CFAP46: variants seen among roughly 807,000 people sequenced by gnomAD.
The protein encoded by CFAP46 is cilia- and flagella-associated protein 46.
Under a neutral mutation model 325.7 loss-of-function variants are expected in CFAP46, and 245 were observed. The ratio of observed to expected loss-of-function variants is 0.75; its 90% CI spans 0.68 to 0.84. The LOEUF is 0.84. Among genes scored for constraint, CFAP46 ranks in the 40% least tolerant of loss-of-function variants. CFAP46 has a pLI of 0.00. For synonymous variants in CFAP46, 1,523 were observed against 1,495.9 expected (o/e 1.02, Z -0.42); for missense variants, 3,346 against 3,543.0 (o/e 0.94, Z 1.41).
chr10:132,814,449 TG>T, intron 53 of CFAP46, 127 bp downstream of exon 53: 1 of 1,250,846 alleles, frequency 8.0e-7, no homozygotes, highest in Non-Finnish European at 1.1e-6. Context: ...ACAGCCAAAA[TG>T]GGGCAAGCAC....
Position 132,879,428 on chromosome 10 carries a change from G to T in CFAP46, c.4003C>A (p.Gln1335Lys). The T allele has an allele frequency of 6.6e-7, 1 of 1,515,322 alleles. No homozygotes were observed. 93.9% of individuals were successfully genotyped at this position (1,515,322 alleles called of 1,614,324 possible). ...AAYAFFRHIW[Q>K]VSLMTAGKSV... Reference sequence around the variant, plus strand: ...GGGGAGTCTGCGCTGGGCCTCACCTGCCAGATGTGCCTGAAGAAGGCGTAG... The same window carrying T: ...GGGGAGTCTGCGCTGGGCCTCACCTTCCAGATGTGCCTGAAGAAGGCGTAG... Residue 1335 changes from glutamine (Q) to lysine (K), a missense_variant and splice_region_variant, in exon 29 of 58, where the codon CAG (glutamine) becomes AAG (lysine). By Grantham distance (53) the Gln-to-Lys change is moderately conservative. Transcript: ENST00000368586.
intron 27 of CFAP46, among the ~76,000 whole-genome samples, chr10:132,882,784 G>C (rs7899925): frequency 0.097 from 14,776 of 151,948 alleles, 1,934 homozygotes; most frequent in African/African-American, 0.3. Context: ...TGGGAGCCAC[G>C]TGAAGGATGC....
In CFAP46 at chr10:132,836,897, G is replaced by A. The variant is rs140735589; in HGVS notation, c.6456C>T (p.Cys2152=). 268 of 1,613,866 alleles carry A rather than the reference G, an allele frequency of 1.7e-4. 1 individual carries two copies. Among genetic ancestry groups the A allele is most frequent in the Non-Finnish European group, 1.9e-4 (228 of 1,179,944 alleles). ...AAVSKAWQNL[C]VTEQHFNLLN... Reference sequence around the variant, plus strand: ...AGAGGTTAAAATGCTGCTCAGTGACGCAGAGATTTTGCCAAGCCTGTGTGG... The same window carrying A: ...AGAGGTTAAAATGCTGCTCAGTGACACAGAGATTTTGCCAAGCCTGTGTGG... Residue 2152 remains cysteine (C), a synonymous_variant, in exon 45 of 58, where the codon TGC becomes TGT. Coordinates refer to ENST00000368586, the MANE Select transcript of CFAP46 (RefSeq NM_001200049.3).
chr10:132,914,117 C>G (rs1470310566), intron 17 of CFAP46, among the ~76,000 whole-genome samples: 1 of 61,140 alleles, frequency 1.6e-5, no homozygotes, highest in African/African-American at 9.4e-5. Context: ...TCCAGCCACA[C>G]TGCACCCCGC....
At chr10:132,837,242 C>A (rs543149414) in intron 44 of CFAP46, among the ~76,000 whole-genome samples, 1 of 152,268 alleles carries the variant, frequency 6.6e-6, no homozygotes. Context: ...CCAGCGCCGC[C>A]TCTGTGAGTG....
At position 132,808,815 on chromosome 10, in the gene CFAP46, G is replaced by A; in HGVS notation, c.7754C>T (p.Ala2585Val). 6.2e-7 allele frequency: 1 copy of A among 1,609,038 alleles called. No homozygotes were observed. The highest frequency in any genetic ancestry group is 1.7e-5 in the Admixed American group (1 of 59,408). Reference sequence around the variant, plus strand: ...CACTACCCGATGGCTTGGTGCGGCAGCCCATACAGGACCAAGTTGAGCGTG... The same window carrying A: ...CACTACCCGATGGCTTGGTGCGGCAACCCATACAGGACCAAGTTGAGCGTG... ...SHHAQLGPVW[A>V]AAPSHRVVQA... Residue 2585 changes from alanine (A) to valine (V), a missense_variant, in exon 58 of 58, where the codon GCT becomes GTT. By Grantham distance (64) the Ala-to-Val change is moderately conservative (BLOSUM62 0). Coordinates refer to ENST00000368586, the MANE Select transcript of CFAP46 (RefSeq NM_001200049.3). This position sits in a 1 kb window ranked among gnomAD's most constrained non-coding sequence, Gnocchi z 6.8.
At chr10:132,888,596 ACC>A (rs1432990462) in intron 25 of CFAP46, among the ~76,000 whole-genome samples, 1 of 18,692 alleles carries the variant, frequency 5.3e-5, no homozygotes, top group Non-Finnish European at 9.6e-5. Context: ...TGCCGCCTGC[ACC>A]CCTGCCACCT....
chr10:132,897,550 G>A (rs983118017), intron 24 of CFAP46, among the ~76,000 whole-genome samples: 2 of 152,254 alleles, frequency 1.3e-5, no homozygotes, highest in African/African-American at 4.8e-5. Context: ...GTCTTCCTGG[G>A]CAGCCAGAAA....
intron 9 of CFAP46, among the ~76,000 whole-genome samples, chr10:132,928,567 C>A (rs866112771): frequency 1.2e-4 from 18 of 152,218 alleles, no homozygotes; most frequent in Non-Finnish European, 2.9e-5. Flanking sequence ...CGGCTCCCCC[C>A]GTGCTGAGCC....
In CFAP46 at chr10:132,939,778, G is replaced by A. The variant is rs1002279270; in HGVS notation, c.372-1025C>T. 3.9e-5 allele frequency among the ~76,000 whole-genome samples: 6 copies of A among 152,256 alleles called. No homozygotes were observed. Among genetic ancestry groups the A allele is most frequent in the African/African-American group, 1.4e-4 (6 of 41,554 alleles). ...AGTGCTGCGTCTCCCTGAGTGCTGCGTCTCGAAAGGAACCCGTCTCCTCCC... is the reference window on the plus strand; with the variant it reads ...AGTGCTGCGTCTCCCTGAGTGCTGCATCTCGAAAGGAACCCGTCTCCTCCC... On this transcript the variant is annotated intron_variant, in intron 4 of 57. Transcript: ENST00000368586. The surrounding 1 kb of genome is among the most constrained non-coding windows in gnomAD (Gnocchi z 4.6).
At chr10:132,815,675 T>C (rs1448488985) in intron 50 of CFAP46, among the ~76,000 whole-genome samples, 2 of 152,088 alleles carry the variant, frequency 1.3e-5, no homozygotes, top group African/African-American at 4.8e-5. Context: ...AATCCCAGTG[T>C]TTTGGGAGGC....
chr10:132,935,259 A>G (rs999272926), intron 7 of CFAP46, among the ~76,000 whole-genome samples: 4 of 151,878 alleles, frequency 2.6e-5, no homozygotes, highest in African/African-American at 9.7e-5. Flanking sequence ...TCCCCTTGGT[A>G]TCCAAACCCA....
Position 132,836,912 on chromosome 10 carries a change from A to T in CFAP46, c.6441T>A (p.Ala2147=). Residue 2147 remains alanine (A), a splice_region_variant and synonymous_variant, in exon 45 of 58, where the codon GCT becomes GCA. Transcript: ENST00000368586. ...GCTCAGTGACGCAGAGATTTTGCCA[A>T]GCCTGTGTGGCGAAAAACGGCCATC... ...VEQRLAAVSK[A]WQNLCVTEQH... 1 of 1,613,646 alleles carries T rather than the reference A, an allele frequency of 6.2e-7. No homozygotes were observed. The highest frequency in any genetic ancestry group is 8.5e-7 in the Non-Finnish European group (1 of 1,179,752).
chr10:132,859,871 A>G (rs979415889), intron 37 of CFAP46, among the ~76,000 whole-genome samples: 12 of 152,352 alleles, frequency 7.9e-5, no homozygotes, highest in African/African-American at 2.6e-4. Flanking sequence ...CCTGGCCAAC[A>G]TGGTGAAACC....
chr10:132,858,519 C>A (rs1848679974), intron 38 of CFAP46, among the ~76,000 whole-genome samples: 1 of 151,820 alleles, frequency 6.6e-6, no homozygotes, highest in South Asian at 2.1e-4. Context: ...CTGGCAGCTG[C>A]TGTGGTGGGG....
At chr10:132,841,963 T>G (rs1398930396) in intron 44 of CFAP46, among the ~76,000 whole-genome samples, 1 of 152,206 alleles carries the variant, frequency 6.6e-6, no homozygotes, top group African/African-American at 2.4e-5. Context: ...TCCACTGCCT[T>G]GAAGAACAGC....
Position 132,887,524 on chromosome 10 carries a change from CCT to C in CFAP46, c.3305-1567_3305-1566del, listed in dbSNP as rs566628262. On this transcript the variant is annotated intron_variant, in intron 25 of 57. Coordinates refer to ENST00000368586, the MANE Select transcript of CFAP46 (RefSeq NM_001200049.3). ...ATTTCCTCTCCTCTCTCTCTCCTCT[CCT>C]CTCTCCTCTCCCCTCTTCTCTCCTC... Among the ~76,000 whole-genome samples, 528 of 98,610 alleles carry C rather than the reference CCT, an allele frequency of 5.4e-3. 15 individuals are homozygous for C. Among genetic ancestry groups the C allele is most frequent in the Non-Finnish European group, 9.7e-3 (419 of 42,980 alleles). 64.7% of individuals were successfully genotyped at this position (98,610 alleles called of 152,430 possible).
At chr10:132,914,817 C>G (rs1003715032) in intron 17 of CFAP46, among the ~76,000 whole-genome samples, 6 of 151,678 alleles carry the variant, frequency 4.0e-5, no homozygotes, top group African/African-American at 1.2e-4. Flanking sequence ...ACACTGCACC[C>G]CGGCCCGAGG....
rs1343085629 is a variant in CFAP46, at chr10:132,859,099, C to T, written c.5347G>A (p.Val1783Ile). The change falls in exon 38 of 58, where the codon GTA (valine) becomes ATA (isoleucine). Residue 1783 changes from valine (V) to isoleucine (I), a missense_variant. By Grantham distance (29) the Val-to-Ile change is conservative (BLOSUM62 3). Transcript: ENST00000368586. Reference protein sequence around the residue: ...DCGCKENCVDVKLERAKIKRL... With the variant: ...DCGCKENCVDIKLERAKIKRL... Reference sequence around the variant, plus strand: ...TTGATCTTCGCACGCTCTAGTTTTACGTCAACACAATTCTCTTTGCAGCCA... The same window carrying T: ...TTGATCTTCGCACGCTCTAGTTTTATGTCAACACAATTCTCTTTGCAGCCA... 3.2e-6 allele frequency: 5 copies of T among 1,550,812 alleles called. No homozygotes were observed. The highest frequency in any genetic ancestry group is 2.4e-5 in the East Asian group (1 of 40,926).
Sources: gnomAD v4.1 joint callset for allele counts (sites outside exome capture counted in the v4.1 genomes callset) on GRCh38, gnomAD v4.1.1 for gene constraint, Gnocchi (gnomAD v3.1) non-coding constraint, MANE v1.5 for transcripts, NCBI Gene and HGNC (gene_info 2026-07-23, HGNC 2026-07-21) for gene names.